Variants in SLC9D1 observed in about 807,000 individuals in gnomAD.
SLC9D1 encodes the protein putative LAG1-interacting protein.
chr13:113,541,566 T>C, the SLC9D1 span, among the ~76,000 whole-genome samples: 2,580 of 109,418 alleles, frequency 0.024, 231 homozygotes, highest in South Asian at 0.033. Flanking sequence ...GTGGGTGCCA[T>C]GCACACGATT....
At chr13:113,495,908 C>CGTTTTCCAA in the SLC9D1 span, 31 of 1,613,978 alleles carry the variant, frequency 1.9e-5, no homozygotes, top group Non-Finnish European at 2.5e-5. Flanking sequence ...GTGAAAATTC[C>CGTTTTCCAA]GTTTTCCAAG....
chr13:113,516,729 G>T, the SLC9D1 span, among the ~76,000 whole-genome samples: 2 of 152,238 alleles, frequency 1.3e-5, no homozygotes, highest in East Asian at 3.9e-4. Flanking sequence ...TATTTCTCAA[G>T]ATTTCTAGCC....
the SLC9D1 span, chr13:113,524,086 C>T: frequency 2.2e-6 from 1 of 455,190 alleles, no homozygotes; most frequent in Non-Finnish European, 4.4e-6. Flanking sequence ...AAAGTGTATT[C>T]TGTTATTGTT....
chr13:113,522,457 C>T, the SLC9D1 span, among the ~76,000 whole-genome samples: 1 of 152,216 alleles, frequency 6.6e-6, no homozygotes, highest in East Asian at 1.9e-4. Flanking sequence ...TCTCCTGCCT[C>T]AGCCTCTGGA....
chr13:113,534,313 C>T, the SLC9D1 span: 5 of 1,223,198 alleles, frequency 4.1e-6, no homozygotes, highest in Admixed American at 2.0e-5. Flanking sequence ...GTGATCCATT[C>T]TTTACCTTTC....
At chr13:113,528,214 C>T in the SLC9D1 span, 2 of 152,218 alleles carry the variant, frequency 1.3e-5, no homozygotes, top group Middle Eastern at 3.4e-3. Context: ...AGCGACTTTT[C>T]GTTGTATCCT....
chr13:113,537,938 T>C, the SLC9D1 span, among the ~76,000 whole-genome samples: 5 of 152,296 alleles, frequency 3.3e-5, no homozygotes, highest in East Asian at 7.7e-4. Flanking sequence ...GCATGGCATG[T>C]GTACCTGTGT....
At chr13:113,504,075 G>A in the SLC9D1 span, 2 of 153,460 alleles carry the variant, frequency 1.3e-5, no homozygotes, top group Non-Finnish European at 2.9e-5. Context: ...AACACCCTGT[G>A]AATTAAGATC....
chr13:113,536,325 A>T, the SLC9D1 span, among the ~76,000 whole-genome samples: 1 of 150,032 alleles, frequency 6.7e-6, no homozygotes, highest in Non-Finnish European at 1.5e-5. Context: ...CAGAGTTGAT[A>T]GAGCAAGACT....
chr13:113,547,121 G>T, the SLC9D1 span: 2 of 600,468 alleles, frequency 3.3e-6, no homozygotes. Context: ...GCTTTTCCCC[G>T]GTTCGCTCAG....
At chr13:113,515,877 C>G in the SLC9D1 span, among the ~76,000 whole-genome samples, 1 of 119,002 alleles carries the variant, frequency 8.4e-6, no homozygotes. Context: ...GTTGACAGAG[C>G]GAGACTCCGT....
At chr13:113,493,901 G>A in the SLC9D1 span, among the ~76,000 whole-genome samples, 1 of 152,132 alleles carries the variant, frequency 6.6e-6, no homozygotes, top group African/African-American at 2.4e-5. Flanking sequence ...TCTCCTGTTT[G>A]TTTTGCATAA....
the SLC9D1 span, among the ~76,000 whole-genome samples, chr13:113,515,922 A>G: frequency 2.7e-5 from 4 of 149,252 alleles, no homozygotes; most frequent in South Asian, 2.1e-4. Context: ...AAAGAAATGC[A>G]GCTGACTTGT....
chr13:113,515,955 A>G, the SLC9D1 span, among the ~76,000 whole-genome samples: 3 of 151,706 alleles, frequency 2.0e-5, no homozygotes, highest in Non-Finnish European at 4.4e-5. Flanking sequence ...TGTGCCCTGC[A>G]ACTTTGTGAA....
the SLC9D1 span, among the ~76,000 whole-genome samples, chr13:113,533,198 T>C: frequency 6.6e-6 from 1 of 152,134 alleles, no homozygotes; most frequent in African/African-American, 2.4e-5. Context: ...TGCAGCGAGC[T>C]CTGAATGATG....
chr13:113,547,502 A>G, the SLC9D1 span: 1 of 768,412 alleles, frequency 1.3e-6, no homozygotes, highest in Non-Finnish European at 2.2e-6. Context: ...CTCATCTCGG[A>G]GGAGGCCCAC....
the SLC9D1 span, among the ~76,000 whole-genome samples, chr13:113,541,584 A>T: frequency 1.4e-5 from 2 of 142,310 alleles, no homozygotes; most frequent in Non-Finnish European, 3.1e-5. Flanking sequence ...ATTGCTGATG[A>T]CTGCCATGCT....
chr13:113,519,556 G>T, the SLC9D1 span, among the ~76,000 whole-genome samples: 1 of 152,168 alleles, frequency 6.6e-6, no homozygotes, highest in African/African-American at 2.4e-5. Context: ...AGTCTCTTCA[G>T]CTAGTCATGG....
At chr13:113,504,015 G>A in the SLC9D1 span, 28,893 of 157,884 alleles carry the variant, frequency 0.18, 3,506 homozygotes, top group African/African-American at 0.35. Context: ...GAAAGTAGCT[G>A]ATTAAAAGCC....
Sources: gnomAD v4.1 joint callset for allele counts (sites outside exome capture counted in the v4.1 genomes callset) on GRCh38, gnomAD v4.1.1 for gene constraint, MANE v1.5 for transcripts, NCBI Gene and HGNC (gene_info 2026-07-23, HGNC 2026-07-21) for gene names.